LRFN5: variants seen among roughly 807,000 people sequenced by gnomAD.
LRFN5 encodes the protein leucine rich repeat and fibronectin type III domain containing 5, also known as leucine-rich repeat and fibronectin type-III domain-containing protein 5.
A neutral mutation model predicts 45.6 loss-of-function variants in LRFN5; 24 were observed. The ratio of observed to expected loss-of-function variants is 0.53; its 90% CI spans 0.38 to 0.74. LRFN5 has a LOEUF of 0.74. Among genes scored for constraint, LRFN5 ranks in the 30% least tolerant of loss-of-function variants. The probability of loss-of-function intolerance (pLI) is 0.00; values close to 1 mark genes in which losing one functional copy is unlikely to be tolerated. For synonymous variants in LRFN5, 340 were observed against 313.8 expected, an observed-to-expected ratio of 1.08 and a Z score of -0.88; for missense variants, 776 against 861.5, an observed-to-expected ratio of 0.90 and a Z score of 1.24.
At chr14:41,645,055 T>C (rs1594577376) in intron 1 of LRFN5, among the ~76,000 whole-genome samples, 1 of 152,240 alleles carries the variant, frequency 6.6e-6, no homozygotes, top group East Asian at 1.9e-4. Context: ...GTGTTCTACC[T>C]GTCCTAGCTA....
At chr14:41,698,018 A>G (rs1349273685) in intron 1 of LRFN5, among the ~76,000 whole-genome samples, 3 of 151,944 alleles carry the variant, frequency 2.0e-5, no homozygotes, top group Non-Finnish European at 4.4e-5. Context: ...GGAATTATAG[A>G]GACTAGGGGA....
At chr14:41,705,053 CTTGT>C (rs1299201036) in intron 1 of LRFN5, among the ~76,000 whole-genome samples, 2 of 152,122 alleles carry the variant, frequency 1.3e-5, no homozygotes, top group African/African-American at 2.4e-5. Context: ...TACTGGTTCA[CTTGT>C]TTGTTTCTAG....
chr14:41,823,201 C>T (rs528480724), intron 2 of LRFN5, among the ~76,000 whole-genome samples: 106 of 152,018 alleles, frequency 7.0e-4, no homozygotes, highest in African/African-American at 2.5e-3. Context: ...TTGTTTTGTA[C>T]TGTATACGTG....
rs576543943 is a variant in LRFN5 at position 41,773,543 on chromosome 14, T to A, written c.-21+6514T>A. ...ATATAATCACAGGCATAGAGCATTTTCCTCTCTCTCTCTCTTTGTCTCTCT... is the reference window on the plus strand; with the variant it reads ...ATATAATCACAGGCATAGAGCATTTACCTCTCTCTCTCTCTTTGTCTCTCT... On this transcript the variant is annotated intron_variant, in intron 2 of 5. Coordinates refer to ENST00000298119, the MANE Select transcript of LRFN5 (RefSeq NM_152447.5). Among the ~76,000 whole-genome samples, 14 of 152,272 alleles carry A rather than the reference T, an allele frequency of 9.2e-5. No homozygotes were observed. The South Asian group carries it at 1.7e-3, about 18-fold the overall frequency.
intron 1 of LRFN5, among the ~76,000 whole-genome samples, chr14:41,741,230 A>T (rs1884677769): frequency 6.6e-6 from 1 of 151,712 alleles, no homozygotes; most frequent in Non-Finnish European, 1.5e-5. Context: ...AATAGAAAAA[A>T]ATCCTTGAAT....
chr14:41,754,903 G>T (rs1431571298), intron 1 of LRFN5, among the ~76,000 whole-genome samples: 1 of 151,932 alleles, frequency 6.6e-6, no homozygotes, highest in South Asian at 2.1e-4. Context: ...TGGGCATTTA[G>T]TGCTATACAT....
chr14:41,826,558 C>T (rs554098916), intron 2 of LRFN5, among the ~76,000 whole-genome samples: 1 of 152,234 alleles, frequency 6.6e-6, no homozygotes, highest in Non-Finnish European at 1.5e-5. Context: ...AATGCCCAGT[C>T]TCTCTGTTGG....
chr14:41,780,029 GA>G (rs1886426690), intron 2 of LRFN5, among the ~76,000 whole-genome samples: 1 of 151,814 alleles, frequency 6.6e-6, no homozygotes, highest in South Asian at 2.1e-4. Flanking sequence ...TCCTAAAGTA[GA>G]AAGACTATTG....
Position 41,692,102 on chromosome 14 carries a change from G to A in LRFN5, c.-196-74752G>A, listed in dbSNP as rs932705735. On this transcript the variant is annotated intron_variant, in intron 1 of 5. Coordinates refer to ENST00000298119, the MANE Select transcript of LRFN5 (RefSeq NM_152447.5). ...TGTATTGGGCAAACATCTGGGAATA[G>A]AAATGTTGAATATAGGGTAGATGTA... Among the ~76,000 whole-genome samples, 3 of 152,196 alleles carry A rather than the reference G, an allele frequency of 2.0e-5. No individual in the cohort carries two copies. The East Asian group carries it at 5.8e-4, about 29-fold the overall frequency.
chr14:41,869,805 C>A lies in LRFN5; in HGVS notation c.-20-16801C>A, dbSNP rs1889958661. On this transcript the variant is annotated intron_variant, in intron 2 of 5. Transcript: ENST00000298119. Reference sequence around the variant, plus strand: ...TATCATGAGAACAGCAAGAGAAAGACCCATCCCCATGATTCAGTTATCTCA... The same window carrying A: ...TATCATGAGAACAGCAAGAGAAAGAACCATCCCCATGATTCAGTTATCTCA... 2.0e-5 allele frequency among the ~76,000 whole-genome samples: 3 copies of A among 151,982 alleles called. 1 individual carries two copies.
chr14:41,892,318 T>C, intron 4 of LRFN5: 2 of 964,302 alleles, frequency 2.1e-6, no homozygotes, highest in South Asian at 4.8e-5. Flanking sequence ...TATATAACTA[T>C]ATATATGTAT....
intron 1 of LRFN5, among the ~76,000 whole-genome samples, chr14:41,708,214 T>G (rs373793561): frequency 3.9e-5 from 6 of 152,134 alleles, no homozygotes; most frequent in African/African-American, 1.4e-4. Flanking sequence ...TTTGTTATTT[T>G]GATTGCCGGA....
At chr14:41,828,956 A>C (rs892733658) in intron 2 of LRFN5, among the ~76,000 whole-genome samples, 1 of 151,894 alleles carries the variant, frequency 6.6e-6, no homozygotes, top group East Asian at 1.9e-4. Flanking sequence ...GATATTACAC[A>C]TAATGTCTTT....
At chr14:41,633,964 TA>T (rs1411078105) in intron 1 of LRFN5, among the ~76,000 whole-genome samples, 1 of 151,988 alleles carries the variant, frequency 6.6e-6, no homozygotes, top group Non-Finnish European at 1.5e-5. Flanking sequence ...AACAAAGAAA[TA>T]AAAAAATCCA....
intron 2 of LRFN5, among the ~76,000 whole-genome samples, chr14:41,813,529 C>CT (rs1472558463): frequency 1.3e-5 from 2 of 152,094 alleles, no homozygotes; most frequent in African/African-American, 2.4e-5. Context: ...TGAACTCACT[C>CT]TTTTTTATGG....
intron 1 of LRFN5, among the ~76,000 whole-genome samples, chr14:41,696,245 A>G (rs939801225): frequency 6.6e-6 from 1 of 151,950 alleles, no homozygotes; most frequent in Admixed American, 6.6e-5. Context: ...TGAGCAAAGA[A>G]TGTAGTCTTT....
At chr14:41,829,830 C>T (rs1055435343) in intron 2 of LRFN5, among the ~76,000 whole-genome samples, 1 of 151,162 alleles carries the variant, frequency 6.6e-6, no homozygotes, top group East Asian at 1.9e-4. Flanking sequence ...ATTTATACAA[C>T]CTTTTTATTC....
rs548468008 is a variant in LRFN5 at position 41,887,958 on chromosome 14, C to A, written c.1333C>A (p.Arg445Ser). The change falls in exon 3 of 6, where the codon CGT becomes AGT. Residue 445 changes from arginine (R) to serine (S), a missense_variant. Arg to Ser is a moderately radical substitution (Grantham distance 110). Around this residue, in one of 2 missense-constraint regions of LRFN5, gnomAD observed 465 missense variants for 456.4 expected, o/e 1.02. Coordinates refer to ENST00000298119, the MANE Select transcript of LRFN5 (RefSeq NM_152447.5). The surrounding 1 kb of genome is among the most constrained non-coding windows in gnomAD (Gnocchi z 4.8). ...FNFQRNIPGI[R>S]MFQIQYNGTY... ...TTTTCAAAGAAATATCCCTGGAATA[C>A]GTATGTTTCAAATCCAGTACAATGG... 1 of 1,613,320 alleles carries A rather than the reference C, an allele frequency of 6.2e-7. No homozygotes were observed. Among genetic ancestry groups the A allele is most frequent in the Admixed American group, 1.7e-5 (1 of 59,978 alleles).
Position 41,887,192 on chromosome 14 carries a change from G to T in LRFN5, c.567G>T (p.Gly189=). The T allele has an allele frequency of 6.2e-7, 1 of 1,614,028 alleles. No homozygotes were observed. Among genetic ancestry groups the T allele is most frequent in the Non-Finnish European group, 8.5e-7 (1 of 1,180,008 alleles). ...ATATGATTGATAACATTCCTAAGGG[G>T]ACCTTCTCCCATTTGCACAAGATGA... is the stretch of plus-strand genomic sequence containing the variant. ...DHNMIDNIPK[G]TFSHLHKMTR... is the part of the protein sequence containing the mutation. The change falls in exon 3 of 6, where the codon GGG becomes GGT. Residue 189 remains glycine, a synonymous_variant. Transcript: ENST00000298119. The surrounding 1 kb of genome is among the most constrained non-coding windows in gnomAD (Gnocchi z 4.8).
Sources: allele counts gnomAD v4.1 joint callset (sites outside exome capture counted in the v4.1 genomes callset), GRCh38; gene constraint gnomAD v4.1.1; regional missense constraint gnomAD v4.1.1; non-coding constraint Gnocchi (gnomAD v3.1); transcripts MANE v1.5; gene names NCBI Gene and HGNC (gene_info 2026-07-23, HGNC 2026-07-21).